IPCEF1: variants seen among roughly 807,000 people sequenced by gnomAD.
IPCEF1 encodes interactor protein for cytohesin exchange factors 1.
Under a neutral mutation model 50.9 loss-of-function variants are expected in IPCEF1, and 31 were observed. The observed-to-expected ratio is 0.61, with a 90% CI of 0.46 to 0.82. The LOEUF (loss-of-function observed/expected upper bound fraction) is 0.82, where lower values mean the gene tolerates loss of function less well. Ranked by LOEUF, IPCEF1 falls within the 40% of genes least tolerant of loss-of-function variation. The pLI is 0.00. For synonymous variants in IPCEF1, 181 were observed against 192.0 expected (o/e 0.94, Z 0.47); for missense variants, 458 against 514.0 (o/e 0.89, Z 1.05).
chr6:154,247,582 A>G, intron 3 of IPCEF1, 94 bp from the exon 4 acceptor site: 2 of 1,044,762 alleles, frequency 1.9e-6, no homozygotes, highest in Non-Finnish European at 2.9e-6. Context: ...AGTGTTTATG[A>G]GCAGGATGGA....
intron 1 of IPCEF1, among the ~76,000 whole-genome samples, chr6:154,339,579 G>GTTTT (rs537285834): frequency 7.3e-6 from 1 of 136,258 alleles, no homozygotes; most frequent in Non-Finnish European, 1.6e-5. Flanking sequence ...GGCGTTTTTT[G>GTTTT]TTTGTTTGTT....
At chr6:154,356,611 G>T (rs1460860709) in intron 1 of IPCEF1, 61 bp downstream of exon 1, 1 of 152,156 alleles carries the variant, frequency 6.6e-6, no homozygotes, top group Non-Finnish European at 1.5e-5. Context: ...CCATTGCTTT[G>T]CCATCTTGAT....
intron 3 of IPCEF1, among the ~76,000 whole-genome samples, chr6:154,254,447 A>C (rs1781412244): frequency 6.6e-6 from 1 of 152,140 alleles, no homozygotes; most frequent in Non-Finnish European, 1.5e-5. Context: ...AAACAACCAG[A>C]TCTTGTGAAA....
At chr6:154,170,260 T>C (rs937434666) in intron 10 of IPCEF1, among the ~76,000 whole-genome samples, 4 of 152,004 alleles carry the variant, frequency 2.6e-5, no homozygotes, top group Non-Finnish European at 4.4e-5. Context: ...GTTTATATGT[T>C]TCACTTCCTG....
chr6:154,260,740 G>T (rs376219969), intron 3 of IPCEF1, among the ~76,000 whole-genome samples: 3 of 151,888 alleles, frequency 2.0e-5, no homozygotes, highest in African/African-American at 7.3e-5. Flanking sequence ...CAAAGTGCTG[G>T]GATTACAGGC....
chr6:154,355,622 G>A (rs1208861101), intron 1 of IPCEF1, among the ~76,000 whole-genome samples: 1 of 151,796 alleles, frequency 6.6e-6, no homozygotes, highest in Non-Finnish European at 1.5e-5. Flanking sequence ...CCAGGTAGCT[G>A]GGATTACAGG....
intron 3 of IPCEF1, among the ~76,000 whole-genome samples, chr6:154,256,067 A>G (rs1470098967): frequency 6.6e-6 from 1 of 152,160 alleles, no homozygotes; most frequent in East Asian, 1.9e-4. Flanking sequence ...TGTCTTAGTC[A>G]GTTTGGACTG....
chr6:154,309,785 A>G (rs1369308326), intron 1 of IPCEF1, among the ~76,000 whole-genome samples: 1 of 144,426 alleles, frequency 6.9e-6, no homozygotes, highest in Non-Finnish European at 1.5e-5. Context: ...TTTTTTTTAG[A>G]TGGAGTCTTG....
rs71021040 is a variant in IPCEF1 at position 154,313,067 on chromosome 6, C to CAAAAAAAAAAAAAAAAAAAAAAAAA, written c.-61-23312_-61-23311insTTTTTTTTTTTTTTTTTTTTTTTTT. Among the ~76,000 whole-genome samples, 10 of 59,034 alleles carry CAAAAAAAAAAAAAAAAAAAAAAAAA rather than the reference C, an allele frequency of 1.7e-4. 1 individual carries two copies. The highest frequency in any genetic ancestry group is 1.0e-3 in the African/African-American group (10 of 9,542). The allele number at this position is 59,034 out of a possible 152,430, so 38.7% of individuals were successfully genotyped here. On this transcript the variant is annotated intron_variant, in intron 1 of 11. Coordinates refer to ENST00000367220, the MANE Select transcript of IPCEF1 (RefSeq NM_001130700.2). Reference sequence around the variant, plus strand: ...CACTGCAGGCTGTGAGGCCCTGTCTCAAAAAAAAAAAAAAAAAAACATGGC... The same window carrying CAAAAAAAAAAAAAAAAAAAAAAAAA: ...CACTGCAGGCTGTGAGGCCCTGTCTCAAAAAAAAAAAAAAAAAAAAAAAAAAAAAAAAAAAAAAAAAAAACATGGC...
chr6:154,194,936 G>C (rs922362236), intron 10 of IPCEF1, among the ~76,000 whole-genome samples: 6 of 152,032 alleles, frequency 3.9e-5, no homozygotes, highest in Non-Finnish European at 2.9e-5. Context: ...ACTAGGTAAT[G>C]TTCTAGGAAC....
chr6:154,299,858 G>A (rs983252399), intron 1 of IPCEF1, among the ~76,000 whole-genome samples: 4 of 138,752 alleles, frequency 2.9e-5, no homozygotes, highest in Admixed American at 2.2e-4. Context: ...TTTAAAAAAA[G>A]AAAAGAAAAA....
chr6:154,185,796 A>G (rs977566673), intron 10 of IPCEF1, among the ~76,000 whole-genome samples: 1 of 152,216 alleles, frequency 6.6e-6, no homozygotes, highest in African/African-American at 2.4e-5. Context: ...ATCACAAAAA[A>G]TTCTCATAAT....
intron 1 of IPCEF1, among the ~76,000 whole-genome samples, chr6:154,313,976 G>A (rs1378130585): frequency 6.6e-6 from 1 of 151,888 alleles, no homozygotes; most frequent in Non-Finnish European, 1.5e-5. Context: ...TCAAACTCCT[G>A]GCCTCAAGCA....
intron 3 of IPCEF1, among the ~76,000 whole-genome samples, chr6:154,252,788 G>T (rs1323706264): frequency 6.6e-6 from 1 of 152,208 alleles, no homozygotes; most frequent in Non-Finnish European, 1.5e-5. Flanking sequence ...GTTGAGAGAT[G>T]AGTGGGAATT....
At chr6:154,338,935 C>T (rs1422654063) in intron 1 of IPCEF1, among the ~76,000 whole-genome samples, 1 of 152,100 alleles carries the variant, frequency 6.6e-6, no homozygotes. Flanking sequence ...AAAACCCTGC[C>T]TCTAAAAAAA....
chr6:154,332,040 C>T (rs1783684107), intron 1 of IPCEF1, among the ~76,000 whole-genome samples: 1 of 152,154 alleles, frequency 6.6e-6, no homozygotes, highest in South Asian at 2.1e-4. Flanking sequence ...GTCTCTCACT[C>T]TCACTCTCCC....
At chr6:154,352,983 C>T (rs555148069) in intron 1 of IPCEF1, among the ~76,000 whole-genome samples, 1 of 152,282 alleles carries the variant, frequency 6.6e-6, no homozygotes, top group South Asian at 2.1e-4. Context: ...GGTTTAGACG[C>T]AGTTATAAGT....
At chr6:154,287,271 C>T (rs1389789259) in intron 2 of IPCEF1, among the ~76,000 whole-genome samples, 3 of 152,022 alleles carry the variant, frequency 2.0e-5, no homozygotes, top group Non-Finnish European at 2.9e-5. Flanking sequence ...TCCAGCCATG[C>T]TTCCTGTACA....
rs1554225595 is a variant in IPCEF1, at chr6:154,331,407, G to GAAAGAAAGAAAGAAAGAAAGAAAGAA, written c.-62+25264_-62+25265insTTCTTTCTTTCTTTCTTTCTTTCTTT. Among the ~76,000 whole-genome samples, 319 of 131,010 alleles carry GAAAGAAAGAAAGAAAGAAAGAAAGAA rather than the reference G, an allele frequency of 2.4e-3. 3 individuals are homozygous for GAAAGAAAGAAAGAAAGAAAGAAAGAA. The highest frequency in any genetic ancestry group is 7.2e-3 in the African/African-American group (243 of 33,858). The allele number at this position is 131,010 out of a possible 152,430, so 85.9% of individuals were successfully genotyped here. A position where few individuals can be genotyped will look rare whatever the true frequency, so the allele number is the denominator to read the frequency against. ...AGAAAGAAAGAAAGAAAGAAAGAAA[G>GAAAGAAAGAAAGAAAGAAAGAAAGAA]AGAGAGAAAAAGAAAGAGAGAGAGA... is the stretch of plus-strand genomic sequence containing the variant. On this transcript the variant is annotated intron_variant, in intron 1 of 11. Transcript: ENST00000367220.
Sources: allele counts gnomAD v4.1 joint callset (sites outside exome capture counted in the v4.1 genomes callset), GRCh38; gene constraint gnomAD v4.1.1; transcripts MANE v1.5; gene names NCBI Gene and HGNC (gene_info 2026-07-23, HGNC 2026-07-21).